FAM228B: variants seen among roughly 807,000 people sequenced by gnomAD.
FAM228B encodes family with sequence similarity 228 member B, also known as protein FAM228B.
In FAM228B, 38 loss-of-function variants were observed where a neutral mutation model predicts 42.6. The observed-to-expected ratio is 0.89, with a 90% confidence interval of 0.69 to 1.17. The LOEUF (loss-of-function observed/expected upper bound fraction) is 1.17. Ranked by LOEUF, FAM228B falls within the 50% of genes most tolerant of loss-of-function variation. The pLI is 0.00. For missense variants in FAM228B, 344 were observed against 367.3 expected (o/e 0.94, Z 0.52); for synonymous variants, 109 against 122.3 (o/e 0.89, Z 0.72).
rs761220282 is a variant in FAM228B, at chr2:24,077,556, G to C, written c.-290+587G>C. 1.9e-6 allele frequency: 3 copies of C among 1,602,924 alleles called. No individual in the cohort carries two copies. The highest frequency in any genetic ancestry group is 2.6e-6 in the Non-Finnish European group (3 of 1,174,598). On this transcript the variant is annotated intron_variant, in intron 1 of 10. Transcript: ENST00000613899. This position sits in a 1 kb window ranked among gnomAD's most constrained non-coding sequence, Gnocchi z 5.5. ...CTCTGGAAAGGCCTGGGGTGGCCGCGTCCTGTCCTGCCCCATCCTCCTTCA... is the reference window on the plus strand; with the variant it reads ...CTCTGGAAAGGCCTGGGGTGGCCGCCTCCTGTCCTGCCCCATCCTCCTTCA...
chr2:24,156,929 G>T (rs1000396426), intron 7 of FAM228B, among the ~76,000 whole-genome samples: 1 of 152,060 alleles, frequency 6.6e-6, no homozygotes, highest in Non-Finnish European at 1.5e-5. Flanking sequence ...GTAAGGTGTG[G>T]ACTTAGATTG....
chr2:24,109,214 T>C (rs1391816210), intron 3 of FAM228B, among the ~76,000 whole-genome samples: 1 of 138,708 alleles, frequency 7.2e-6, no homozygotes, highest in Non-Finnish European at 1.6e-5. Context: ...CCTTATTCAA[T>C]AAATGGTGCT....
rs34048750 is a variant in FAM228B, at chr2:24,079,594, C to T, written c.-289-1282C>T. ...GAGCCAGGCAGTTGACGTTCTTCTC[C>T]CAGTAGGATCCGCCTATGCAGTCTA... On this transcript the variant is annotated intron_variant, in intron 1 of 10. Coordinates refer to the FAM228B transcript ENST00000613899. 521 of 1,614,098 alleles carry T rather than the reference C, an allele frequency of 3.2e-4. 1 individual carries two copies. In the African/African-American group the frequency reaches 6.4e-3, roughly 20 times the overall value.
intron 2 of FAM228B, among the ~76,000 whole-genome samples, chr2:24,081,780 A>C (rs1294425455): frequency 1.5e-4 from 18 of 118,474 alleles, no homozygotes; most frequent in South Asian, 1.1e-3. Context: ...GCTCTGCCCC[A>C]CCCCCCCTGC....
At chr2:24,151,999 G>T (rs1357372470) in intron 7 of FAM228B, among the ~76,000 whole-genome samples, 1 of 152,212 alleles carries the variant, frequency 6.6e-6, no homozygotes, top group Non-Finnish European at 1.5e-5. Context: ...CTCCCGAGTA[G>T]CTGGGATTAC....
chr2:24,164,165 G>A, intron 8 of FAM228B, 33 bp from the exon 9 acceptor site: 1 of 1,526,220 alleles, frequency 6.6e-7, no homozygotes, highest in South Asian at 1.2e-5. Flanking sequence ...TGAGAGTTAA[G>A]AGAATCCCTT....
intron 10 of FAM228B, 64 bp downstream of exon 10, chr2:24,167,747 G>C (rs1227768068): frequency 6.5e-7 from 1 of 1,530,998 alleles, no homozygotes; most frequent in Non-Finnish European, 8.9e-7. Flanking sequence ...TTGCCACTGT[G>C]ATTTCTGATA....
chr2:24,157,508 C>T (rs1017384492), intron 7 of FAM228B, among the ~76,000 whole-genome samples: 2 of 151,942 alleles, frequency 1.3e-5, no homozygotes, highest in Non-Finnish European at 2.9e-5. Flanking sequence ...GAGGCTGAGG[C>T]GGGTGGATGA....
At chr2:24,136,060 T>A (rs1666579807) in intron 3 of FAM228B, among the ~76,000 whole-genome samples, 1 of 124,868 alleles carries the variant, frequency 8.0e-6, no homozygotes, top group Non-Finnish European at 1.7e-5. Flanking sequence ...CTTCTTTTTT[T>A]TTTTTTTTTT....
intron 3 of FAM228B, among the ~76,000 whole-genome samples, chr2:24,116,576 C>T (rs961909665): frequency 6.6e-5 from 10 of 151,998 alleles, no homozygotes; most frequent in African/African-American, 1.9e-4. Context: ...AGGACCTGGC[C>T]GGGTGCAGTG....
upstream of FAM228B, among the ~76,000 whole-genome samples, chr2:24,119,142 CA>C (rs1357233712): frequency 1.3e-5 from 2 of 152,130 alleles, no homozygotes; most frequent in African/African-American, 4.8e-5. Context: ...AGACCCCCAG[CA>C]GCCACATCTC....
At position 24,166,127 on chromosome 2, in the gene FAM228B, T is replaced by C. The variant is rs1667406277; in HGVS notation, c.933-1500T>C. ...GATAGATATAGGTGTTTACAGAACA[T>C]AGATTTCTCATCCTAAGGTAATGAT... On this transcript the variant is annotated intron_variant, in intron 9 of 10. Transcript: ENST00000615575. 4 of 149,662 alleles carry C rather than the reference T, an allele frequency of 2.7e-5. No homozygotes were observed. In the South Asian group the frequency reaches 8.5e-4, roughly 32 times the overall value. The allele number at this position is 149,662 out of a possible 1,614,324, so 9.3% of individuals were successfully genotyped here.
At chr2:24,115,560 G>A in intron 3 of FAM228B, 1 of 1,601,094 alleles carries the variant, frequency 6.2e-7, no homozygotes, top group East Asian at 2.2e-5. Flanking sequence ...TAATAAAATT[G>A]TCTTTCATGG....
chr2:24,116,726 C>T, intron 3 of FAM228B, among the ~76,000 whole-genome samples: 1 of 151,712 alleles, frequency 6.6e-6, no homozygotes, highest in African/African-American at 2.4e-5. Context: ...TGGTGGCAGG[C>T]ACCTGTAGTC....
At chr2:24,114,269 T>C (rs1665848928) in intron 3 of FAM228B, among the ~76,000 whole-genome samples, 2 of 152,120 alleles carry the variant, frequency 1.3e-5, no homozygotes, top group South Asian at 4.2e-4. Flanking sequence ...AAAAAGAACA[T>C]GAAAGGGCTC....
At chr2:24,111,572 T>C (rs1487551832) in intron 3 of FAM228B, among the ~76,000 whole-genome samples, 1 of 152,166 alleles carries the variant, frequency 6.6e-6, no homozygotes, top group Non-Finnish European at 1.5e-5. Context: ...TTTGGAGTTG[T>C]GGCTAGAAGT....
intron 2 of FAM228B, among the ~76,000 whole-genome samples, chr2:24,125,378 G>T (rs1271319376): frequency 1.3e-5 from 2 of 152,112 alleles, no homozygotes; most frequent in Non-Finnish European, 2.9e-5. Context: ...ATAAGACCCT[G>T]TCTCAAATAA....
intron 2 of FAM228B, among the ~76,000 whole-genome samples, chr2:24,129,706 T>G (rs1666406914): frequency 6.6e-6 from 1 of 152,220 alleles, no homozygotes; most frequent in African/African-American, 2.4e-5. Flanking sequence ...AGATTTTCTA[T>G]TCATTAATTA....
At position 24,099,690 on chromosome 2, in the gene FAM228B, T is replaced by G. The variant is rs374218085; in HGVS notation, c.-121+4461T>G. Among the ~76,000 whole-genome samples, 19 of 152,276 alleles carry G rather than the reference T, an allele frequency of 1.2e-4. No homozygotes were observed. The South Asian group carries it at 3.7e-3, about 30-fold the overall frequency. On this transcript the variant is annotated intron_variant, in intron 3 of 10. Coordinates refer to the FAM228B transcript ENST00000613899. Reference sequence around the variant, plus strand: ...ATCAATATCATGAAAATGGCCACACTGCCCAAAGTATTTATAGATTCAATG... The same window carrying G: ...ATCAATATCATGAAAATGGCCACACGGCCCAAAGTATTTATAGATTCAATG...
Sources: gnomAD v4.1 joint callset for allele counts (sites outside exome capture counted in the v4.1 genomes callset) on GRCh38, gnomAD v4.1.1 for gene constraint, Gnocchi (gnomAD v3.1) non-coding constraint, MANE v1.5 for transcripts, NCBI Gene and HGNC (gene_info 2026-07-23, HGNC 2026-07-21) for gene names.